DIAPH2: variants seen among roughly 807,000 people sequenced by gnomAD.
DIAPH2 encodes diaphanous related formin 2, also known as protein diaphanous homolog 2.
DIAPH2 carries 35 observed loss-of-function variants against 92.7 expected under a neutral mutation model. The observed-to-expected ratio is 0.38, with a 90% CI of 0.29 to 0.50. DIAPH2 has a LOEUF of 0.50. DIAPH2 is among the 20% of genes least tolerant of loss of function. The pLI is 0.94. For missense variants in DIAPH2, 701 were observed against 819.5 expected (o/e 0.86, Z 1.77); for synonymous variants, 301 against 280.4 (o/e 1.07, Z -0.73).
chrX:97,420,595 C>T (rs1302406244), intron 25 of DIAPH2, among the ~76,000 whole-genome samples: 1 of 112,067 alleles, frequency 8.9e-6, no homozygotes, highest in Non-Finnish European at 1.9e-5. Context: ...AATGAATGAA[C>T]TCTCTAACCG....
At chrX:97,569,763 A>G (rs1602674103) in intron 26 of DIAPH2, among the ~76,000 whole-genome samples, 1 of 110,036 alleles carries the variant, frequency 9.1e-6, no homozygotes, top group Non-Finnish European at 1.9e-5. Flanking sequence ...TGCTATTGCT[A>G]TCTTTCTTCA....
rs751087282 is a variant in DIAPH2, at chrX:97,268,417, T to G, written c.2844+20578T>G. The stretch of plus-strand genomic sequence containing the variant: ...CAAGTCCTGTCCTGAAGAAGACTTG[T>G]GTCATCACACATCATTTCACATTTA... On this transcript the variant is annotated intron_variant, in intron 23 of 26. Coordinates refer to ENST00000324765, the MANE Select transcript of DIAPH2 (RefSeq NM_006729.5). 3.5e-5 allele frequency among the ~76,000 whole-genome samples: 4 copies of G among 112,912 alleles called. No homozygotes were observed. In the East Asian group the frequency reaches 1.1e-3, roughly 31 times the overall value.
intron 9 of DIAPH2, among the ~76,000 whole-genome samples, chrX:96,918,979 A>C (rs755439671): frequency 8.9e-6 from 1 of 111,962 alleles, no homozygotes; most frequent in Admixed American, 9.5e-5. Context: ...TAAGACAATT[A>C]AACACATCTC....
intron 23 of DIAPH2, among the ~76,000 whole-genome samples, chrX:97,326,619 A>G (rs2068953413): frequency 1.8e-5 from 2 of 112,454 alleles, no homozygotes; most frequent in African/African-American, 6.4e-5. Flanking sequence ...GAAGGACAAC[A>G]CTACTGCTTG....
chrX:97,362,128 C>T (rs1040667880), intron 24 of DIAPH2, among the ~76,000 whole-genome samples: 1 of 110,312 alleles, frequency 9.1e-6, no homozygotes, highest in Non-Finnish European at 1.9e-5. Flanking sequence ...GTAATCCCAG[C>T]TACTTCAGAG....
At chrX:97,419,261 G>C (rs1411171782) in intron 25 of DIAPH2, among the ~76,000 whole-genome samples, 2 of 111,561 alleles carry the variant, frequency 1.8e-5, no homozygotes, top group Non-Finnish European at 3.8e-5. Context: ...ATATGCTCTA[G>C]AGCAGGGGTT....
At chrX:97,088,058 C>T (rs1473067100) in intron 19 of DIAPH2, among the ~76,000 whole-genome samples, 1 of 111,859 alleles carries the variant, frequency 8.9e-6, no homozygotes, top group Non-Finnish European at 1.9e-5. Context: ...ATTCTTTTTC[C>T]TCCATCAATT....
chrX:97,549,713 A>C (rs1402859607), intron 26 of DIAPH2, among the ~76,000 whole-genome samples: 1 of 111,423 alleles, frequency 9.0e-6, no homozygotes, highest in Non-Finnish European at 1.9e-5. Flanking sequence ...ATCCCAGCCC[A>C]CATGTTGCAT....
At chrX:97,270,344 G>A (rs920614079) in intron 23 of DIAPH2, among the ~76,000 whole-genome samples, 2 of 112,215 alleles carry the variant, frequency 1.8e-5, no homozygotes, top group Admixed American at 9.5e-5. Context: ...GATTACAGGC[G>A]TGAGCCACCA....
chrX:97,207,275 C>T (rs1196233804), intron 22 of DIAPH2, among the ~76,000 whole-genome samples: 1 of 111,994 alleles, frequency 8.9e-6, no homozygotes, highest in Non-Finnish European at 1.9e-5. Context: ...ACAATGTTTA[C>T]AGCGTTCAAT....
chrX:96,889,320 C>G (rs755341931), intron 5 of DIAPH2, among the ~76,000 whole-genome samples: 6 of 111,084 alleles, frequency 5.4e-5, no homozygotes, highest in Admixed American at 9.7e-5. Flanking sequence ...TATTGAAAAG[C>G]CTATTTTTTT....
At chrX:97,153,702 C>T (rs751761555) in intron 22 of DIAPH2, among the ~76,000 whole-genome samples, 2 of 112,025 alleles carry the variant, frequency 1.8e-5, no homozygotes, top group African/African-American at 6.5e-5. Flanking sequence ...TATTCTTTTA[C>T]TCTTTTCCAT....
chrX:97,129,805 A>G (rs1433620480), intron 21 of DIAPH2, among the ~76,000 whole-genome samples: 1 of 111,271 alleles, frequency 9.0e-6, no homozygotes, highest in African/African-American at 3.3e-5. Context: ...AACACTATCA[A>G]CAGAGTGAAA....
intron 26 of DIAPH2, among the ~76,000 whole-genome samples, chrX:97,562,924 A>G (rs1251690441): frequency 8.9e-6 from 1 of 112,168 alleles, no homozygotes; most frequent in Non-Finnish European, 1.9e-5. Flanking sequence ...GGCAAAAATA[A>G]AAAGCCCTCA....
chrX:97,405,116 C>G (rs1478796052), intron 25 of DIAPH2, among the ~76,000 whole-genome samples: 1 of 111,702 alleles, frequency 9.0e-6, no homozygotes, highest in Non-Finnish European at 1.9e-5. Context: ...AGTATATTAA[C>G]TAATCTATAA....
Position 97,603,643 on chromosome X carries a change from A to C in DIAPH2, c.*4326A>C, listed in dbSNP as rs1487058766. The C allele has an allele frequency of 8.9e-6, 1 of 112,311 alleles. No individual in the cohort carries two copies. Among genetic ancestry groups the C allele is most frequent in the Non-Finnish European group, 1.9e-5 (1 of 53,305 alleles). The allele number at this position is 112,311 out of a possible 1,213,427, so 9.3% of individuals were successfully genotyped here. A position where few individuals can be genotyped will look rare whatever the true frequency, so the allele number is the denominator to read the frequency against. ...AGCTATATCTCTAACACTAGACTTG[A>C]AAATTTCCTCAGCTAAACATCCAAG... On this transcript the variant is annotated 3_prime_UTR_variant, in exon 27 of 27. Coordinates refer to ENST00000324765, the MANE Select transcript of DIAPH2 (RefSeq NM_006729.5).
intron 22 of DIAPH2, among the ~76,000 whole-genome samples, chrX:97,236,834 G>A (rs1258775720): frequency 3.6e-5 from 4 of 111,500 alleles, no homozygotes; most frequent in Non-Finnish European, 3.8e-5. Context: ...GTGAACCACC[G>A]CGCCCGGCGT....
intron 26 of DIAPH2, among the ~76,000 whole-genome samples, chrX:97,520,503 AT>A (rs2070983604): frequency 8.9e-6 from 1 of 112,230 alleles, no homozygotes; most frequent in African/African-American, 3.2e-5. Context: ...TGATTTTAAA[AT>A]ATCTTCTAAT....
At chrX:97,154,168 C>T (rs1021072927) in intron 22 of DIAPH2, among the ~76,000 whole-genome samples, 7 of 110,954 alleles carry the variant, frequency 6.3e-5, no homozygotes, top group Admixed American at 1.9e-4. Flanking sequence ...ATTATAGTAA[C>T]CACTATCATT....
Sources: allele counts gnomAD v4.1 joint callset (sites outside exome capture counted in the v4.1 genomes callset), GRCh38; gene constraint gnomAD v4.1.1; transcripts MANE v1.5; gene names NCBI Gene and HGNC (gene_info 2026-07-23, HGNC 2026-07-21).